Variants in TLCD3B observed in about 807,000 individuals in gnomAD.
TLCD3B encodes the protein ceramide synthase.
TLCD3B carries 9 observed loss-of-function variants against 23.0 expected under a neutral mutation model. The ratio of observed to expected loss-of-function variants is 0.39; its 90% CI spans 0.24 to 0.68. The LOEUF (loss-of-function observed/expected upper bound fraction) is 0.68, where lower values mean the gene tolerates loss of function less well. TLCD3B is among the 30% of genes least tolerant of loss of function. The pLI is 0.44. For synonymous variants in TLCD3B, 161 were observed against 161.0 expected, an observed-to-expected ratio of 1.00 and a Z score of 0.00; for missense variants, 307 against 371.8, an observed-to-expected ratio of 0.83 and a Z score of 1.43.
At chr16:30,036,092 A>G, upstream of TLCD3B, 1 of 1,223,142 alleles carries the variant, frequency 8.2e-7, no homozygotes, top group African/African-American at 1.6e-5. Context: ...ACCATTTTCC[A>G]TCTTCTGCAT....
rs1484794104 is a variant in TLCD3B at position 30,025,648 on chromosome 16, C to T, written c.540+78G>A. The T allele has an allele frequency of 2.6e-6, 4 of 1,526,808 alleles. No homozygotes were observed. In the South Asian group the frequency reaches 4.5e-5, roughly 17 times the overall value. The allele number at this position is 1,526,808 out of a possible 1,614,324, so 94.6% of individuals were successfully genotyped here. On this transcript the variant is annotated intron_variant, in intron 4 of 4. Transcript: ENST00000380495. The surrounding 1 kb of genome is among the most constrained non-coding windows in gnomAD (Gnocchi z 4.1). ...GGGGGATGACGAAGGGGCTAGAGCCCTTGGCAGCAACCTTGAAGGTCCCTC... is the reference window on the plus strand; with the variant it reads ...GGGGGATGACGAAGGGGCTAGAGCCTTTGGCAGCAACCTTGAAGGTCCCTC...
At chr16:30,052,374 T>C (rs536670780) in intron 1 of TLCD3B, among the ~76,000 whole-genome samples, 1 of 149,030 alleles carries the variant, frequency 6.7e-6, no homozygotes, top group African/African-American at 2.5e-5. Flanking sequence ...CTCCAAAAAA[T>C]AAATAAATCA....
intron 2 of TLCD3B, among the ~76,000 whole-genome samples, chr16:30,045,729 G>A (rs1278791113): frequency 6.7e-6 from 1 of 149,930 alleles, no homozygotes; most frequent in East Asian, 2.0e-4. Flanking sequence ...TGTGTGTGTG[G>A]TGTGTGTTTG....
At position 30,025,546 on chromosome 16, in the gene TLCD3B, C is replaced by T. The variant is rs2071086145; in HGVS notation, c.541-79G>A. ...GGCCCTCTCCCTGCCTCCCTGCGACCCTAGCAGGCAGCTCCTCCCAAACCA... is the reference window on the plus strand; with the variant it reads ...GGCCCTCTCCCTGCCTCCCTGCGACTCTAGCAGGCAGCTCCTCCCAAACCA... On this transcript the variant is annotated intron_variant, in intron 4 of 4. Coordinates refer to ENST00000380495, the MANE Select transcript of TLCD3B (RefSeq NM_031478.6). The surrounding 1 kb of genome is among the most constrained non-coding windows in gnomAD (Gnocchi z 4.1). 1 of 1,572,618 alleles carries T rather than the reference C, an allele frequency of 6.4e-7. No homozygotes were observed. The highest frequency in any genetic ancestry group is 1.4e-5 in the African/African-American group (1 of 74,002).
chr16:30,026,694 G>A lies in TLCD3B; in HGVS notation c.359C>T (p.Ala120Val). The A allele has an allele frequency of 6.2e-7, 1 of 1,613,958 alleles. No homozygotes were observed. Among genetic ancestry groups the A allele is most frequent in the Non-Finnish European group, 8.5e-7 (1 of 1,180,030 alleles). ...CTTGTGCAGGTAGCCACGCGCTATG[G>A]CCCACGTGCTGCCCGGGGCTCTGGC... ...GAARAPGSTW[A>V]IARGYLHKEF... The change falls in exon 3 of 5, where the codon GCC (alanine) becomes GTC (valine). Residue 120 changes from alanine to valine, a missense_variant. By Grantham distance (64) the Ala-to-Val change is moderately conservative (BLOSUM62 0). Transcript: ENST00000380495.
Position 30,029,451 on chromosome 16 carries a change from T to C in TLCD3B, c.190A>G (p.Lys64Glu). The C allele has an allele frequency of 6.2e-7, 1 of 1,613,930 alleles. No individual in the cohort carries two copies. The highest frequency in any genetic ancestry group is 1.1e-5 in the South Asian group (1 of 91,072). The part of the protein sequence containing the change: ...TAGYIVSTSC[K>E]HIIDDQHWLS... ...ACTTACTGGTCATCAATGATGTGCT[T>C]GCAGGAGGTGGAGACGATGTAGCCG... The change falls in exon 2 of 5, where the codon AAG becomes GAG. Residue 64 changes from lysine (K) to glutamate (E), a missense_variant. Transcript: ENST00000380495. The surrounding 1 kb of genome is among the most constrained non-coding windows in gnomAD (Gnocchi z 4.6).
At chr16:30,048,134 C>T (rs1234357475) in intron 1 of TLCD3B, among the ~76,000 whole-genome samples, 1 of 134,478 alleles carries the variant, frequency 7.4e-6, no homozygotes, top group Non-Finnish European at 1.6e-5. Flanking sequence ...AAGAGTGAAA[C>T]TTCGCCTCCA....
intron 3 of TLCD3B, 25 bp downstream of exon 3, chr16:30,026,583 CG>C: frequency 1.9e-6 from 3 of 1,599,158 alleles, no homozygotes; most frequent in Non-Finnish European, 2.6e-6. Context: ...ACCCGCACCC[CG>C]CCCGCCCAGC....
At chr16:30,045,502 ATGGTGTGTGTGTG>A (rs200276843) in intron 2 of TLCD3B, among the ~76,000 whole-genome samples, 1,189 of 58,286 alleles carry the variant, frequency 0.02, 24 homozygotes, top group Admixed American at 0.11. Context: ...TGTGGTGTGT[ATGGTGTGTGTGTG>A]TGGTGTGTGT....
chr16:30,045,488 T>C (rs1229379110), intron 2 of TLCD3B, among the ~76,000 whole-genome samples: 2 of 127,742 alleles, frequency 1.6e-5, no homozygotes, highest in African/African-American at 3.0e-5. Flanking sequence ...GGTATGTGTG[T>C]TTGTGTGGTG....
At chr16:30,030,136 CCT>C in intron 1 of TLCD3B, 1 of 1,481,762 alleles carries the variant, frequency 6.7e-7, no homozygotes, top group African/African-American at 1.4e-5. Flanking sequence ...GCATGCTGGC[CCT>C]GTTTTGGAGG....
intron 3 of TLCD3B, among the ~76,000 whole-genome samples, chr16:30,037,072 C>T (rs1032448350): frequency 4.1e-5 from 6 of 147,154 alleles, no homozygotes; most frequent in African/African-American, 1.5e-4. Context: ...GCGACAGAGA[C>T]TCTGTCTCAA....
chr16:30,048,369 C>T (rs1388370919), intron 1 of TLCD3B, among the ~76,000 whole-genome samples: 5 of 152,022 alleles, frequency 3.3e-5, no homozygotes, highest in Non-Finnish European at 7.4e-5. Context: ...CCTCAGCTTC[C>T]CAAAGTGCTG....
At chr16:30,047,167 GTCTATCTA>G (rs571469371) in intron 1 of TLCD3B, among the ~76,000 whole-genome samples, 14 of 147,962 alleles carry the variant, frequency 9.5e-5, no homozygotes, top group Admixed American at 2.7e-4. Context: ...CTGTCTGTCT[GTCTATCTA>G]TCTATCTATC....
chr16:30,039,272 C>T (rs1475576769), intron 3 of TLCD3B, among the ~76,000 whole-genome samples: 4 of 151,898 alleles, frequency 2.6e-5, no homozygotes, highest in South Asian at 2.1e-4. Flanking sequence ...TACAGCCATG[C>T]GCCACCACGC....
chr16:30,051,652 G>A (rs1446297915), intron 1 of TLCD3B, among the ~76,000 whole-genome samples: 1 of 152,156 alleles, frequency 6.6e-6, no homozygotes, highest in African/African-American at 2.4e-5. Context: ...ACTCAGACCA[G>A]GCCCCAGACA....
Position 30,026,589 on chromosome 16 carries a change from C to T in TLCD3B, c.444+20G>A. The T allele has an allele frequency of 6.2e-7, 1 of 1,605,590 alleles. No homozygotes were observed. Among genetic ancestry groups the T allele is most frequent in the Non-Finnish European group, 8.5e-7 (1 of 1,174,308 alleles). On this transcript the variant is annotated intron_variant, in intron 3 of 4. Coordinates refer to ENST00000380495, the MANE Select transcript of TLCD3B (RefSeq NM_031478.6). ...GAGCAGGCCACCCGCACCCCGCCCGCCCAGCTCCCCGGGACTCACCACTGA... is the reference window on the plus strand; with the variant it reads ...GAGCAGGCCACCCGCACCCCGCCCGTCCAGCTCCCCGGGACTCACCACTGA...
In TLCD3B at chr16:30,026,162, G is replaced by A. The variant is rs901842797; in HGVS notation, c.445-341C>T. Among the ~76,000 whole-genome samples, 19 of 150,896 alleles carry A rather than the reference G, an allele frequency of 1.3e-4. 2 individuals are homozygous for A. Among genetic ancestry groups the A allele is most frequent in the Admixed American group, 4.6e-4 (7 of 15,182 alleles). ...AGATGGGAGAATCACTTGAACTCAG[G>A]AGGCGGAGGTTTCAGTGAGCCGAGA... On this transcript the variant is annotated intron_variant, in intron 3 of 4. Coordinates refer to ENST00000380495, the MANE Select transcript of TLCD3B (RefSeq NM_031478.6).
chr16:30,042,040 C>CT (rs1011930562), intron 2 of TLCD3B, among the ~76,000 whole-genome samples: 1 of 151,926 alleles, frequency 6.6e-6, no homozygotes, highest in Non-Finnish European at 1.5e-5. Context: ...CCTTTTTACA[C>CT]TTTTTTTTCT....
Sources: gnomAD v4.1 joint callset for allele counts (sites outside exome capture counted in the v4.1 genomes callset) on GRCh38, gnomAD v4.1.1 for gene constraint, Gnocchi (gnomAD v3.1) non-coding constraint, MANE v1.5 for transcripts, NCBI Gene and HGNC (gene_info 2026-07-23, HGNC 2026-07-21) for gene names.